EDNRB: variants seen among roughly 807,000 people sequenced by gnomAD.
The protein encoded by EDNRB is endothelin receptor type B.
Under a neutral mutation model 46.4 loss-of-function variants are expected in EDNRB, and 18 were observed. The observed-to-expected ratio is 0.39, with a 90% CI of 0.27 to 0.57. The LOEUF (loss-of-function observed/expected upper bound fraction) is 0.57. EDNRB is among the 20% of genes least tolerant of loss of function. The pLI is 0.61. For missense variants in EDNRB, 434 were observed against 537.5 expected (o/e 0.81, Z 1.90); for synonymous variants, 213 against 204.9 (o/e 1.04, Z -0.34).
intron 1 of EDNRB, among the ~76,000 whole-genome samples, chr13:77,947,047 A>G (rs1383892868): frequency 6.6e-6 from 1 of 152,216 alleles, no homozygotes; most frequent in East Asian, 1.9e-4. Context: ...GCTTTTCTAA[A>G]CAGCAAGTTA....
At chr13:77,966,970 C>T (rs1452404581) in intron 1 of EDNRB, among the ~76,000 whole-genome samples, 1 of 152,110 alleles carries the variant, frequency 6.6e-6, no homozygotes, top group East Asian at 1.9e-4. Context: ...ATAACCCATT[C>T]ACTAAAAACC....
rs548660910 is a variant in EDNRB, at chr13:77,925,843, C to G, written c.-51-7219G>C. On this transcript the variant is annotated intron_variant, in intron 1 of 7. Transcript: ENST00000646948. ...TCTTGCACCGTGCGCCTGGAAAAGACGCAGACAATCAATGCCGGCCCACGA... is the reference window on the plus strand; with the variant it reads ...TCTTGCACCGTGCGCCTGGAAAAGAGGCAGACAATCAATGCCGGCCCACGA... Among the ~76,000 whole-genome samples the G allele has an allele frequency of 2.0e-5, 3 of 152,294 alleles. No individual in the cohort carries two copies. In the South Asian group the frequency reaches 6.2e-4, roughly 32 times the overall value.
intron 1 of EDNRB, among the ~76,000 whole-genome samples, chr13:77,972,823 G>T (rs1490510803): frequency 6.6e-6 from 1 of 152,324 alleles, no homozygotes; most frequent in Non-Finnish European, 1.5e-5. Flanking sequence ...CTTAGCTTTA[G>T]CTTGGTAGGG....
chr13:77,927,518 G>A (rs1287634504), intron 1 of EDNRB, among the ~76,000 whole-genome samples: 3 of 152,132 alleles, frequency 2.0e-5, no homozygotes, highest in Admixed American at 2.0e-4. Context: ...CTGATATTTA[G>A]GTGAATTTGA....
chr13:77,914,732 A>C (rs150172473), intron 1 of EDNRB, among the ~76,000 whole-genome samples: 2 of 152,358 alleles, frequency 1.3e-5, no homozygotes, highest in African/African-American at 4.8e-5. Context: ...AAGTCCAGGC[A>C]GATCAGACAT....
intron 1 of EDNRB, among the ~76,000 whole-genome samples, chr13:77,965,489 T>C (rs1157536873): frequency 2.0e-5 from 3 of 152,188 alleles, no homozygotes; most frequent in Non-Finnish European, 4.4e-5. Flanking sequence ...ATGGGAATTA[T>C]TGAAGAATGG....
chr13:77,933,331 G>C (rs1880456280), intron 1 of EDNRB, among the ~76,000 whole-genome samples: 11 of 152,186 alleles, frequency 7.2e-5, no homozygotes, highest in Admixed American at 5.9e-4. Context: ...TCAGCGAAGG[G>C]AGACAGGGGT....
intron 1 of EDNRB, among the ~76,000 whole-genome samples, chr13:77,908,401 G>A (rs926708456): frequency 2.1e-5 from 3 of 142,080 alleles, no homozygotes; most frequent in African/African-American, 7.9e-5. Flanking sequence ...GGTATCCCTG[G>A]TGGGGAAAAA....
At position 77,918,132 on chromosome 13, in the gene EDNRB, G is replaced by A. The variant is rs375150286; in HGVS notation, c.442C>T (p.Leu148=). 1.2e-6 allele frequency: 2 copies of A among 1,614,172 alleles called. No individual in the cohort carries two copies. The highest frequency in any genetic ancestry group is 4.5e-5 in the East Asian group (2 of 44,874). ...GGGATGTCAATGACGATGTGCAGCA[G>A]GTCTCCCAGAGCCAAGCTGGCGATC... The part of the protein sequence containing the change: ...ILIASLALGD[L]LHIVIDIPIN... Residue 148 remains leucine (L), a synonymous_variant, in exon 1 of 7, where the codon CTG becomes TTG. Transcript: ENST00000646607. This position sits in a 1 kb window ranked among gnomAD's most constrained non-coding sequence, Gnocchi z 4.5.
At chr13:77,966,538 C>T (rs937928423) in intron 1 of EDNRB, among the ~76,000 whole-genome samples, 2 of 152,140 alleles carry the variant, frequency 1.3e-5, no homozygotes, top group Non-Finnish European at 2.9e-5. Flanking sequence ...TTAATTCTTA[C>T]AGGCATTTCT....
chr13:77,934,487 G>T (rs1157732686), intron 1 of EDNRB, among the ~76,000 whole-genome samples: 1 of 152,080 alleles, frequency 6.6e-6, no homozygotes, highest in Non-Finnish European at 1.5e-5. Flanking sequence ...GCCAAACTGA[G>T]GAATTATGTC....
At chr13:77,948,575 C>T (rs768423770) in intron 1 of EDNRB, among the ~76,000 whole-genome samples, 41 of 152,150 alleles carry the variant, frequency 2.7e-4, no homozygotes, top group Admixed American at 7.2e-4. Flanking sequence ...GAAATTCACA[C>T]CTGATAGATG....
intron 1 of EDNRB, among the ~76,000 whole-genome samples, chr13:77,937,352 G>A (rs544026231): frequency 2.2e-4 from 34 of 152,294 alleles, no homozygotes; most frequent in Non-Finnish European, 3.4e-4. Context: ...GGTCTGACTC[G>A]TGAAGCCAGC....
intron 1 of EDNRB, among the ~76,000 whole-genome samples, chr13:77,963,940 C>T (rs1005536081): frequency 3.9e-5 from 6 of 152,058 alleles, no homozygotes; most frequent in African/African-American, 1.4e-4. Flanking sequence ...AACAAACAAC[C>T]CCATCAAAAA....
intron 1 of EDNRB, among the ~76,000 whole-genome samples, chr13:77,935,019 A>G (rs200122547): frequency 0.037 from 4,207 of 113,278 alleles, 469 homozygotes; most frequent in East Asian, 0.25. Flanking sequence ...AGTCTGGGCC[A>G]GAAACAATGG....
intron 1 of EDNRB, among the ~76,000 whole-genome samples, chr13:77,958,912 G>C (rs1309244384): frequency 6.6e-6 from 1 of 152,136 alleles, no homozygotes; most frequent in Non-Finnish European, 1.5e-5. Flanking sequence ...ATGTGGTATG[G>C]AATATGTATT....
intron 1 of EDNRB, among the ~76,000 whole-genome samples, chr13:77,916,914 C>CTTT (rs11388909): frequency 6.8e-6 from 1 of 147,358 alleles, no homozygotes; most frequent in African/African-American, 2.5e-5. Flanking sequence ...ATTTAGACTG[C>CTTT]TTTTTTTTTT....
At chr13:77,956,337 A>C (rs1881239627) in intron 1 of EDNRB, among the ~76,000 whole-genome samples, 1 of 152,142 alleles carries the variant, frequency 6.6e-6, no homozygotes, top group African/African-American at 2.4e-5. Flanking sequence ...AGTGTACAAA[A>C]ACTGAACTGA....
chr13:77,948,733 C>A (rs1416982711), intron 1 of EDNRB, among the ~76,000 whole-genome samples: 4 of 152,112 alleles, frequency 2.6e-5, no homozygotes, highest in African/African-American at 9.7e-5. Context: ...TTCTTTTATT[C>A]CAACTCAAGA....
Sources: allele counts gnomAD v4.1 joint callset (sites outside exome capture counted in the v4.1 genomes callset), GRCh38; gene constraint gnomAD v4.1.1; non-coding constraint Gnocchi (gnomAD v3.1); transcripts MANE v1.5; gene names NCBI Gene and HGNC (gene_info 2026-07-23, HGNC 2026-07-21).